CCDC138: variants seen among roughly 807,000 people sequenced by gnomAD.
The protein encoded by CCDC138 is coiled-coil domain containing 138.
CCDC138 carries 66 observed loss-of-function variants against 82.3 expected under a neutral mutation model. The observed-to-expected ratio is 0.80, with a 90% CI of 0.66 to 0.98. The LOEUF (loss-of-function observed/expected upper bound fraction) is 0.98. Ranked by LOEUF, CCDC138 falls within the 50% of genes least tolerant of loss-of-function variation. CCDC138 has a pLI of 0.00. For missense variants in CCDC138, 816 were observed against 758.9 expected (o/e 1.08, Z -0.88); for synonymous variants, 297 against 265.4 (o/e 1.12, Z -1.16).
At position 108,794,618 on chromosome 2, in the gene CCDC138, CTG is replaced by C. The variant is rs1680543709; in HGVS notation, c.475_476del (p.Val159GlnfsTer6). On this transcript the variant is annotated frameshift_variant, in exon 5 of 15. Coordinates refer to ENST00000295124, the MANE Select transcript of CCDC138 (RefSeq NM_144978.3). LOFTEE classifies it high-confidence loss of function. ...GATGCAGGTGACTCTCCTTTGAAAC[CTG>C]TCAGCTGTCCAAAATCTAAAGCATC... The C allele has an allele frequency of 6.2e-7, 1 of 1,613,958 alleles. No homozygotes were observed. Among genetic ancestry groups the C allele is most frequent in the African/African-American group, 1.3e-5 (1 of 74,902 alleles).
chr2:108,854,334 G>C (rs896810631), intron 12 of CCDC138, among the ~76,000 whole-genome samples: 6 of 151,620 alleles, frequency 4.0e-5, no homozygotes, highest in Non-Finnish European at 8.8e-5. Flanking sequence ...TCTATAGTCA[G>C]ACAACTAAGG....
chr2:108,846,817 ATTCTCCACAGCATTC>A lies in CCDC138; in HGVS notation c.1405_1419del (p.Ser469_Ser473del). On this transcript the variant is annotated inframe_deletion, in exon 12 of 15. Coordinates refer to ENST00000295124, the MANE Select transcript of CCDC138 (RefSeq NM_144978.3). ...GTGGTAACTAAAGGAATTCAGGATA[ATTCTCCACAGCATTC>A]TGTGGAGAATAAACCAAAGACAGCT... 1 of 1,612,896 alleles carries A rather than the reference ATTCTCCACAGCATTC, an allele frequency of 6.2e-7. No homozygotes were observed. Among genetic ancestry groups the A allele is most frequent in the Non-Finnish European group, 8.5e-7 (1 of 1,179,006 alleles).
intron 11 of CCDC138, among the ~76,000 whole-genome samples, chr2:108,840,116 T>C (rs1255588483): frequency 6.6e-6 from 1 of 152,152 alleles, no homozygotes; most frequent in Non-Finnish European, 1.5e-5. Context: ...TTGATACATG[T>C]TCTTTTTCAT....
intron 4 of CCDC138, among the ~76,000 whole-genome samples, chr2:108,792,282 C>T (rs74411023): frequency 0.024 from 3,698 of 152,270 alleles, 145 homozygotes; most frequent in African/African-American, 0.084. Flanking sequence ...TTATGGTCTA[C>T]ACACAACAAC....
At chr2:108,799,004 T>C (rs1205092054) in intron 6 of CCDC138, among the ~76,000 whole-genome samples, 1 of 152,140 alleles carries the variant, frequency 6.6e-6, no homozygotes, top group African/African-American at 2.4e-5. Flanking sequence ...TTATAGTCCA[T>C]GTTTACTTTC....
At chr2:108,870,680 A>G (rs1390272000) in intron 13 of CCDC138, among the ~76,000 whole-genome samples, 1 of 152,254 alleles carries the variant, frequency 6.6e-6, no homozygotes, top group African/African-American at 2.4e-5. Flanking sequence ...ATGCTACAGA[A>G]TGGATGAACC....
chr2:108,826,495 A>G (rs1686619784), intron 10 of CCDC138, among the ~76,000 whole-genome samples: 1 of 152,140 alleles, frequency 6.6e-6, no homozygotes, highest in African/African-American at 2.4e-5. Context: ...TTTCAGCATC[A>G]TTAGTTGAAA....
rs144518921 is a variant in CCDC138, at chr2:108,811,245, C to CTTTTTTTTTTTTT, written c.856-1385_856-1384insTTTTTTTTTTTTT. On this transcript the variant is annotated intron_variant, in intron 7 of 14. Coordinates refer to ENST00000295124, the MANE Select transcript of CCDC138 (RefSeq NM_144978.3). ...CTCTCCCTTTTCTTTCTTTCTCTCT[C>CTTTTTTTTTTTTT]TCTTTTTTTTTTTTTTTGACTGTCT... Among the ~76,000 whole-genome samples the CTTTTTTTTTTTTT allele has an allele frequency of 5.4e-4, 59 of 109,602 alleles. 10 individuals carry two copies. The highest frequency in any genetic ancestry group is 1.2e-3 in the African/African-American group (29 of 23,866). The allele number at this position is 109,602 out of a possible 152,430, so 71.9% of individuals were successfully genotyped here. A position where few individuals can be genotyped will look rare whatever the true frequency, so the allele number is the denominator to read the frequency against.
At chr2:108,875,870 A>T (rs962502532) in intron 14 of CCDC138, among the ~76,000 whole-genome samples, 2 of 152,102 alleles carry the variant, frequency 1.3e-5, no homozygotes, top group Admixed American at 6.5e-5. Flanking sequence ...AAGAAAAAAA[A>T]GTTTTCTTTT....
At chr2:108,863,293 T>C (rs1693913451) in intron 13 of CCDC138, among the ~76,000 whole-genome samples, 1 of 152,236 alleles carries the variant, frequency 6.6e-6, no homozygotes, top group Admixed American at 6.5e-5. Context: ...TACATACATA[T>C]CATCTGTTTT....
chr2:108,880,226 A>AAC (rs72530097), downstream of CCDC138, among the ~76,000 whole-genome samples: 6,474 of 57,132 alleles, frequency 0.11, 477 homozygotes, highest in African/African-American at 0.22. Context: ...AAAACAAACA[A>AAC]AAAAAAAAAC....
chr2:108,820,714 A>AAC (rs1685548551), intron 10 of CCDC138, among the ~76,000 whole-genome samples: 1 of 91,462 alleles, frequency 1.1e-5, no homozygotes, highest in Non-Finnish European at 2.2e-5. Flanking sequence ...AAAAAAAAAA[A>AAC]ACAAACAACA....
At chr2:108,815,461 G>GTTTTTTTTTTTTTTTTT (rs35206784) in intron 9 of CCDC138, among the ~76,000 whole-genome samples, 1 of 70,700 alleles carries the variant, frequency 1.4e-5, no homozygotes, top group Non-Finnish European at 2.5e-5. Flanking sequence ...GGTTTTTGGT[G>GTTTTTTTTTTTTTTTTT]TTTTTTTTTT....
intron 9 of CCDC138, 120 bp from the exon 10 acceptor site, chr2:108,815,821 A>T: frequency 1.2e-6 from 1 of 829,016 alleles, no homozygotes; most frequent in Non-Finnish European, 1.9e-6. Context: ...CTCTGTCCTT[A>T]ACACATTTTA....
At chr2:108,790,559 G>A (rs1032025519) in intron 3 of CCDC138, among the ~76,000 whole-genome samples, 8 of 151,910 alleles carry the variant, frequency 5.3e-5, no homozygotes, top group African/African-American at 1.5e-4. Flanking sequence ...AAAATTAGCC[G>A]GGCATGGTGG....
chr2:108,839,825 T>G (rs1035627096), intron 11 of CCDC138, among the ~76,000 whole-genome samples: 6 of 149,108 alleles, frequency 4.0e-5, no homozygotes, highest in African/African-American at 7.4e-5. Context: ...CAGTGTTGTG[T>G]TTTTTTTTTC....
chr2:108,868,517 C>CCTCA, intron 13 of CCDC138, among the ~76,000 whole-genome samples: 1 of 152,272 alleles, frequency 6.6e-6, no homozygotes, highest in East Asian at 1.9e-4. Context: ...CCTCTTTCTA[C>CCTCA]CTCACCTGTC....
chr2:108,803,495 C>T (rs112091175), intron 6 of CCDC138, among the ~76,000 whole-genome samples: 3 of 152,058 alleles, frequency 2.0e-5, no homozygotes, highest in African/African-American at 7.2e-5. Flanking sequence ...CAGGCTGGAG[C>T]GCAGTGGCTA....
At chr2:108,885,042 C>G (rs1696390405) in intron 2 of CCDC138, 1 of 152,198 alleles carries the variant, frequency 6.6e-6, no homozygotes, top group South Asian at 2.1e-4. Context: ...AGAATTAATA[C>G]TGAGAGATGC....
Sources: gnomAD v4.1 joint callset for allele counts (sites outside exome capture counted in the v4.1 genomes callset) on GRCh38, gnomAD v4.1.1 for gene constraint, MANE v1.5 for transcripts, NCBI Gene and HGNC (gene_info 2026-07-23, HGNC 2026-07-21) for gene names.